GRXCR2: variants seen among roughly 807,000 people sequenced by gnomAD.
GRXCR2 encodes glutaredoxin and cysteine rich domain containing 2, also known as glutaredoxin domain-containing cysteine-rich protein 2.
In GRXCR2, 23 loss-of-function variants were observed where a neutral mutation model predicts 24.8. That is an observed-to-expected ratio of 0.93 (90% CI 0.67 to 1.32). The LOEUF is 1.32. Among genes scored for constraint, GRXCR2 ranks in the 40% most tolerant of loss-of-function variants. The pLI, the probability that GRXCR2 is intolerant of heterozygous loss-of-function variation, is 0.00. For missense variants in GRXCR2, 315 were observed against 303.4 expected, an observed-to-expected ratio of 1.04 and a Z score of -0.28; for synonymous variants, 130 against 116.1, an observed-to-expected ratio of 1.12 and a Z score of -0.77.
intron 1 of GRXCR2, 54 bp from the exon 2 acceptor site, chr5:145,866,782 G>A: frequency 8.7e-7 from 1 of 1,148,308 alleles, no homozygotes; most frequent in Non-Finnish European, 1.3e-6. Context: ...CCAAGTAGAG[G>A]GCTGCAGAAC....
At chr5:145,927,544 T>A (rs575460386) in intron 2 of GRXCR2, among the ~76,000 whole-genome samples, 16 of 152,330 alleles carry the variant, frequency 1.1e-4, no homozygotes, top group African/African-American at 3.8e-4. Flanking sequence ...TTGATTTGCG[T>A]ATGTTGAACC....
rs1359825376 is a variant in GRXCR2 at position 145,890,230 on chromosome 5, C to T, written c.-69-23502G>A. On this transcript the variant is annotated intron_variant, in intron 2 of 3. Coordinates refer to the GRXCR2 transcript ENST00000639411. The stretch of plus-strand genomic sequence containing the variant: ...TCAACCTCCTGAATACCTGGGATTA[C>T]AGGCATGTGCCACCATGCCTAGCTA... Among the ~76,000 whole-genome samples, 4 of 152,140 alleles carry T rather than the reference C, an allele frequency of 2.6e-5. No homozygotes were observed. In the South Asian group the frequency reaches 8.3e-4, roughly 32 times the overall value.
intron 2 of GRXCR2, among the ~76,000 whole-genome samples, chr5:145,927,001 G>T (rs899380496): frequency 2.6e-5 from 4 of 152,136 alleles, no homozygotes; most frequent in Non-Finnish European, 4.4e-5. Flanking sequence ...TTGTGAGTGG[G>T]AGTTCACTCA....
At chr5:145,891,843 G>C (rs138545708) in intron 2 of GRXCR2, among the ~76,000 whole-genome samples, 4 of 152,116 alleles carry the variant, frequency 2.6e-5, no homozygotes, top group Non-Finnish European at 5.9e-5. Flanking sequence ...TCCTCAAGTT[G>C]GTCCCTGACC....
chr5:145,929,198 C>CATATATATATATATATAT (rs1554107328), intron 2 of GRXCR2, among the ~76,000 whole-genome samples: 1,232 of 88,176 alleles, frequency 0.014, 64 homozygotes, highest in Middle Eastern at 0.035. Flanking sequence ...AATATTCCCC[C>CATATATATATATATATAT]CTATATATAT....
chr5:145,918,319 T>C (rs1218547151), intron 2 of GRXCR2, among the ~76,000 whole-genome samples: 1 of 152,182 alleles, frequency 6.6e-6, no homozygotes, highest in Non-Finnish European at 1.5e-5. Flanking sequence ...AATTAGCCTG[T>C]GGTCTCACAG....
chr5:145,900,379 T>C (rs1757008461), intron 2 of GRXCR2, among the ~76,000 whole-genome samples: 1 of 152,190 alleles, frequency 6.6e-6, no homozygotes. Flanking sequence ...TCATGCTTTC[T>C]GTACAGCCTG....
In GRXCR2 at chr5:145,859,751, G is replaced by T. The variant is rs746384864; in HGVS notation, c.729C>A (p.Cys243Ter). Residue 243 changes from cysteine (C) to a stop codon, truncating the protein, a stop_gained, in exon 3 of 3, where the codon TGC becomes TGA. Coordinates refer to ENST00000377976, the MANE Select transcript of GRXCR2 (RefSeq NM_001080516.2). LOFTEE classifies it high-confidence loss of function. ...PACNENGLQP[C>*]QICNQ ...CCACGGGCTATTGATTGCAAATCTG[G>T]CAAGGCTGTAGGCCATTCTCATTGC... 3 of 1,614,012 alleles carry T rather than the reference G, an allele frequency of 1.9e-6. No individual in the cohort carries two copies. The highest frequency in any genetic ancestry group is 1.1e-5 in the South Asian group (1 of 91,092).
chr5:145,928,251 C>T (rs1757429266), intron 2 of GRXCR2, among the ~76,000 whole-genome samples: 1 of 152,078 alleles, frequency 6.6e-6, no homozygotes, highest in Admixed American at 6.6e-5. Context: ...AGTCAGGAAA[C>T]AACAGGTGCT....
At chr5:145,930,238 C>T (rs932483817) in intron 2 of GRXCR2, among the ~76,000 whole-genome samples, 2 of 152,044 alleles carry the variant, frequency 1.3e-5, no homozygotes, top group Admixed American at 1.3e-4. Context: ...GCATGTGCCA[C>T]CACACCCAGC....
chr5:145,928,960 C>T (rs888436497), intron 2 of GRXCR2, among the ~76,000 whole-genome samples: 5 of 151,702 alleles, frequency 3.3e-5, no homozygotes, highest in African/African-American at 1.2e-4. Context: ...TACAAACATA[C>T]ATGAGCAAAA....
upstream of GRXCR2, among the ~76,000 whole-genome samples, chr5:145,877,252 A>G (rs1756632072): frequency 6.6e-6 from 1 of 152,156 alleles, no homozygotes; most frequent in African/African-American, 2.4e-5. Context: ...AAAATTATGT[A>G]GACATTTTTA....
chr5:145,918,554 G>A (rs527397892), intron 2 of GRXCR2, among the ~76,000 whole-genome samples: 2 of 152,350 alleles, frequency 1.3e-5, no homozygotes, highest in African/African-American at 2.4e-5. Flanking sequence ...CATGGGGAAA[G>A]GTCAAAGTGT....
chr5:145,919,641 A>G (rs1381460751), intron 2 of GRXCR2, among the ~76,000 whole-genome samples: 1 of 152,076 alleles, frequency 6.6e-6, no homozygotes, highest in African/African-American at 2.4e-5. Context: ...AGAAGCTGTT[A>G]ATTTTAGATG....
chr5:145,926,615 G>T (rs1035830286), intron 2 of GRXCR2, among the ~76,000 whole-genome samples: 3 of 152,184 alleles, frequency 2.0e-5, no homozygotes, highest in African/African-American at 7.2e-5. Flanking sequence ...GTACCATGCT[G>T]TTTTGGTTAC....
At chr5:145,891,645 C>T (rs1417565671) in intron 2 of GRXCR2, among the ~76,000 whole-genome samples, 1 of 152,170 alleles carries the variant, frequency 6.6e-6, no homozygotes, top group Non-Finnish European at 1.5e-5. Flanking sequence ...GAAGCTCGAA[C>T]TCGGTGGAGC....
intron 1 of GRXCR2, among the ~76,000 whole-genome samples, chr5:145,867,123 A>G (rs1316613899): frequency 6.6e-6 from 1 of 152,228 alleles, no homozygotes; most frequent in African/African-American, 2.4e-5. Flanking sequence ...AGCATAAATA[A>G]TAATATTAGT....
intron 2 of GRXCR2, among the ~76,000 whole-genome samples, chr5:145,914,825 G>T (rs1183434849): frequency 6.6e-6 from 1 of 152,184 alleles, no homozygotes; most frequent in Non-Finnish European, 1.5e-5. Context: ...TGGGGTTGTG[G>T]AATTATGTCC....
intron 2 of GRXCR2, among the ~76,000 whole-genome samples, chr5:145,928,244 C>T (rs992539808): frequency 3.3e-5 from 5 of 151,994 alleles, no homozygotes; most frequent in Admixed American, 6.6e-5. Context: ...ATTAAAAAGT[C>T]AGGAAACAAC....
Sources: allele counts gnomAD v4.1 joint callset (sites outside exome capture counted in the v4.1 genomes callset), GRCh38; gene constraint gnomAD v4.1.1; transcripts MANE v1.5; gene names NCBI Gene and HGNC (gene_info 2026-07-23, HGNC 2026-07-21).